The following PRSS23 variants were observed in gnomAD, a reference collection of about 807,000 sequenced individuals.
PRSS23 encodes protease, serine 23.
Under a neutral mutation model 34.7 loss-of-function variants are expected in PRSS23, and 25 were observed. The ratio of observed to expected loss-of-function variants is 0.72; its 90% CI spans 0.53 to 1.01. The LOEUF (loss-of-function observed/expected upper bound fraction) is 1.01. PRSS23 is among the 50% of genes least tolerant of loss of function. The probability of loss-of-function intolerance (pLI) is 0.00; values close to 1 mark genes in which losing one functional copy is unlikely to be tolerated. For missense variants in PRSS23, 445 were observed against 475.6 expected (o/e 0.94, Z 0.60); for synonymous variants, 176 against 186.6 (o/e 0.94, Z 0.46).
At chr11:86,892,557 T>G (rs979173606) in intron 2 of PRSS23, among the ~76,000 whole-genome samples, 1 of 152,046 alleles carries the variant, frequency 6.6e-6, no homozygotes, top group Non-Finnish European at 1.5e-5. Context: ...CAAATACACA[T>G]GATATGATGG....
downstream of PRSS23, among the ~76,000 whole-genome samples, chr11:86,813,294 GTGTT>G (rs1446532879): frequency 6.6e-6 from 1 of 152,170 alleles, no homozygotes; most frequent in Non-Finnish European, 1.5e-5. Flanking sequence ...CTATACCTGT[GTGTT>G]AGTGGCTTAT....
intron 2 of PRSS23, among the ~76,000 whole-genome samples, chr11:86,847,403 A>C (rs1052116301): frequency 3.9e-5 from 6 of 152,192 alleles, no homozygotes; most frequent in African/African-American, 1.4e-4. Context: ...CCCATTTAGT[A>C]GTCAATGGGT....
chr11:86,811,666 C>T (rs1250712414), downstream of PRSS23, among the ~76,000 whole-genome samples: 1 of 152,120 alleles, frequency 6.6e-6, no homozygotes, highest in East Asian at 1.9e-4. Flanking sequence ...AGGTCATGCT[C>T]CCAATTCCCT....
At chr11:86,917,410 T>C (rs1949020656) in intron 2 of PRSS23, among the ~76,000 whole-genome samples, 1 of 152,240 alleles carries the variant, frequency 6.6e-6, no homozygotes, top group African/African-American at 2.4e-5. Context: ...TAAGATCTGA[T>C]AAGTCTGTAT....
At chr11:86,859,410 T>G (rs566940575) in intron 2 of PRSS23, among the ~76,000 whole-genome samples, 1 of 152,150 alleles carries the variant, frequency 6.6e-6, no homozygotes, top group South Asian at 2.1e-4. Context: ...CTCTGTGATA[T>G]CGTTTCTACT....
At chr11:86,822,614 C>A (rs558196884) in intron 1 of PRSS23, among the ~76,000 whole-genome samples, 3 of 143,046 alleles carry the variant, frequency 2.1e-5, no homozygotes, top group Non-Finnish European at 3.0e-5. Context: ...AGAGTGTGAA[C>A]CTGACTAAAA....
chr11:86,899,616 A>C (rs1590919915), intron 2 of PRSS23, among the ~76,000 whole-genome samples: 1 of 149,866 alleles, frequency 6.7e-6, no homozygotes, highest in African/African-American at 2.5e-5. Flanking sequence ...CCAGGTTCAC[A>C]CCATTCTCTT....
chr11:86,886,459 A>G (rs536254131), intron 2 of PRSS23, among the ~76,000 whole-genome samples: 5 of 152,240 alleles, frequency 3.3e-5, no homozygotes, highest in Admixed American at 1.3e-4. Flanking sequence ...CTCTGTTAAA[A>G]CTGTACTGCA....
At position 86,826,087 on chromosome 11, in the gene PRSS23, C is replaced by T. The variant is rs10466701; in HGVS notation, c.206+2494C>T. Reference sequence around the variant, plus strand: ...ACCTTGGGCCGTATGGCCATTTTCACGATATTGATTCTTCCTACCCATGAG... The same window carrying T: ...ACCTTGGGCCGTATGGCCATTTTCATGATATTGATTCTTCCTACCCATGAG... On this transcript the variant is annotated intron_variant, in intron 2 of 2. Transcript: ENST00000533902. Among the ~76,000 whole-genome samples, 1,507 of 152,120 alleles carry T rather than the reference C, an allele frequency of 9.9e-3. 30 individuals carry two copies. Among genetic ancestry groups the T allele is most frequent in the African/African-American group, 0.034 (1,415 of 41,462 alleles).
intron 2 of PRSS23, chr11:86,935,979 C>T (rs1949159151): frequency 6.6e-6 from 1 of 152,232 alleles, no homozygotes; most frequent in African/African-American, 2.4e-5. Flanking sequence ...AAGCACAGGG[C>T]TCTGAATGAC....
Position 86,939,426 on chromosome 11 carries a change from A to ATATATATATATTTTTTTT in PRSS23, c.207-11789_207-11788insATATATATATTTTTTTTT. On this transcript the variant is annotated intron_variant, in intron 2 of 2. Transcript: ENST00000533902. The stretch of plus-strand genomic sequence containing the variant: ...AAAATATATATATATATATATATAT[A>ATATATATATATTTTTTTT]TTTTTTAACATGAGTAAAAATTGCA... 4.0e-3 allele frequency among the ~76,000 whole-genome samples: 375 copies of ATATATATATATTTTTTTT among 93,954 alleles called. 2 individuals are homozygous for ATATATATATATTTTTTTT. The highest frequency in any genetic ancestry group is 5.7e-3 in the Non-Finnish European group (246 of 43,112). 61.6% of individuals were successfully genotyped at this position (93,954 alleles called of 152,430 possible).
intron 2 of PRSS23, among the ~76,000 whole-genome samples, chr11:86,827,000 G>A (rs1306884281): frequency 6.6e-6 from 1 of 152,086 alleles, no homozygotes; most frequent in Non-Finnish European, 1.5e-5. Context: ...GGATGATGCT[G>A]GCCTCATAAA....
At chr11:86,797,557 T>G (rs1184605976), upstream of PRSS23, among the ~76,000 whole-genome samples, 2 of 152,200 alleles carry the variant, frequency 1.3e-5, no homozygotes, top group Non-Finnish European at 2.9e-5. Flanking sequence ...GAAGGACTGT[T>G]GTGCTCTTGG....
intron 2 of PRSS23, among the ~76,000 whole-genome samples, chr11:86,852,772 G>A (rs981696006): frequency 1.7e-4 from 26 of 152,102 alleles, no homozygotes; most frequent in Non-Finnish European, 3.5e-4. Context: ...CCACCCCTGG[G>A]GGCCACCATT....
At chr11:86,869,715 CA>C (rs1015293883) in intron 2 of PRSS23, among the ~76,000 whole-genome samples, 20 of 152,132 alleles carry the variant, frequency 1.3e-4, no homozygotes, top group African/African-American at 4.6e-4. Context: ...TAGTGCTCAC[CA>C]CCACCAACTG....
intron 2 of PRSS23, among the ~76,000 whole-genome samples, chr11:86,878,878 C>T (rs568926200): frequency 1.4e-5 from 2 of 147,134 alleles, no homozygotes; most frequent in Admixed American, 1.3e-4. Flanking sequence ...TCCCTGCGGC[C>T]ATCCCATCTA....
chr11:86,873,077 T>A (rs1311730921), intron 2 of PRSS23, among the ~76,000 whole-genome samples: 1 of 151,962 alleles, frequency 6.6e-6, no homozygotes, highest in African/African-American at 2.4e-5. Context: ...TCAGGGGCTA[T>A]GGTGGACACC....
At chr11:86,815,413 G>A (rs1278973274), downstream of PRSS23, among the ~76,000 whole-genome samples, 2 of 152,224 alleles carry the variant, frequency 1.3e-5, no homozygotes, top group South Asian at 2.1e-4. Context: ...TGCCTGGCAT[G>A]TAGGTTCTCA....
chr11:86,875,419 T>G (rs991862637), intron 2 of PRSS23, among the ~76,000 whole-genome samples: 1 of 152,186 alleles, frequency 6.6e-6, no homozygotes, highest in Non-Finnish European at 1.5e-5. Flanking sequence ...CATTAGTTAG[T>G]TGACCAGGCT....
Sources: gnomAD v4.1 joint callset for allele counts (sites outside exome capture counted in the v4.1 genomes callset) on GRCh38, gnomAD v4.1.1 for gene constraint, MANE v1.5 for transcripts, NCBI Gene and HGNC (gene_info 2026-07-23, HGNC 2026-07-21) for gene names.